Variants in CD72 observed in about 807,000 individuals in gnomAD.
CD72 encodes the protein B-cell differentiation antigen CD72.
Under a neutral mutation model 50.7 loss-of-function variants are expected in CD72, and 28 were observed. The observed-to-expected ratio is 0.55, with a 90% confidence interval of 0.41 to 0.76. The LOEUF is 0.76. Ranked by LOEUF, CD72 falls within the 30% of genes least tolerant of loss-of-function variation. The pLI is 0.00. For missense variants in CD72, 403 were observed against 420.6 expected (o/e 0.96, Z 0.37); for synonymous variants, 176 against 171.2 (o/e 1.03, Z -0.22).
intron 6 of CD72, 111 bp from the exon 7 acceptor site, chr9:35,612,030 C>CA: frequency 1.6e-6 from 1 of 638,062 alleles, no homozygotes; most frequent in Non-Finnish European, 2.8e-6. Flanking sequence ...GTATATATGA[C>CA]AGCTCTTTGG....
At chr9:35,629,805 C>T (rs556813480) in intron 1 of CD72, among the ~76,000 whole-genome samples, 5 of 152,312 alleles carry the variant, frequency 3.3e-5, no homozygotes, top group African/African-American at 1.2e-4. Context: ...GCAAGCCCTG[C>T]TAGTGCACAG....
intron 7 of CD72, among the ~76,000 whole-genome samples, chr9:35,611,490 G>GA (rs1195013658): frequency 2.0e-5 from 3 of 152,228 alleles, no homozygotes; most frequent in African/African-American, 7.2e-5. Context: ...GAAGGATGGA[G>GA]AAACGCTGCT....
chr9:35,612,636 AATC>A (rs944059468), intron 6 of CD72, among the ~76,000 whole-genome samples: 11 of 152,140 alleles, frequency 7.2e-5, no homozygotes, highest in African/African-American at 2.6e-4. Context: ...TGCCAACTCT[AATC>A]AGTTACTAGG....
At chr9:35,625,039 G>A (rs12378766) in intron 1 of CD72, among the ~76,000 whole-genome samples, 5,528 of 152,130 alleles carry the variant, frequency 0.036, 152 homozygotes, top group Non-Finnish European at 0.057. Flanking sequence ...ACCCTACAAT[G>A]GTCTCTAAGT....
At chr9:35,624,014 C>T (rs1587905671), upstream of CD72, among the ~76,000 whole-genome samples, 1 of 151,696 alleles carries the variant, frequency 6.6e-6, no homozygotes, top group East Asian at 1.9e-4. Flanking sequence ...TGGATCACGA[C>T]CAGCCTGACC....
chr9:35,615,885 C>T, intron 5 of CD72, 58 bp downstream of exon 5: 2 of 1,388,738 alleles, frequency 1.4e-6, no homozygotes, highest in Admixed American at 3.5e-5. Context: ...ACTCCTGCCA[C>T]TACTATCTCC....
chr9:35,610,613 A>C lies in CD72; in HGVS notation c.*11T>G, dbSNP rs1822965037. ...TCCCTCACTCTTACCAACTCAGTGC[A>C]AAGGACTGTCCTAATCTGGAAACCT... On this transcript the variant is annotated 3_prime_UTR_variant, in exon 8 of 9. Coordinates refer to ENST00000259633, the MANE Select transcript of CD72 (RefSeq NM_001782.3). 1 of 1,613,008 alleles carries C rather than the reference A, an allele frequency of 6.2e-7. No individual in the cohort carries two copies. Among genetic ancestry groups the C allele is most frequent in the South Asian group, 1.1e-5 (1 of 90,972 alleles).
chr9:35,624,214 AAATAATAATAATAAT>A (rs58480562), upstream of CD72, among the ~76,000 whole-genome samples: 896 of 137,840 alleles, frequency 6.5e-3, 9 homozygotes, highest in South Asian at 0.017. Flanking sequence ...TCTGTCTCAA[AAATAATAATAATAAT>A]AATAATAATA....
intron 7 of CD72, among the ~76,000 whole-genome samples, chr9:35,611,593 A>G (rs1294841372): frequency 6.6e-6 from 1 of 152,200 alleles, no homozygotes; most frequent in Non-Finnish European, 1.5e-5. Flanking sequence ...ACAAAAAAGT[A>G]TGTGCCAGGG....
In CD72 at chr9:35,616,599, C is replaced by T; in HGVS notation, c.352+1G>A. The T allele has an allele frequency of 6.2e-7, 1 of 1,612,214 alleles. No homozygotes were observed. Among genetic ancestry groups the T allele is most frequent in the Non-Finnish European group, 8.5e-7 (1 of 1,178,312 alleles). On this transcript the variant is annotated splice_donor_variant, in intron 4 of 8. Transcript: ENST00000259633. LOFTEE classifies it high-confidence loss of function. ...TGGGAAGTAGGGACAGCCTTACTCA[C>T]AGCGCACTCCCAGGCAGATGGCGGT... is the stretch of plus-strand genomic sequence containing the variant.
intron 1 of CD72, among the ~76,000 whole-genome samples, chr9:35,629,850 A>G (rs555028860): frequency 6.6e-6 from 1 of 152,316 alleles, no homozygotes; most frequent in East Asian, 1.9e-4. Context: ...AAGGAGAGCT[A>G]GATGTTCAGT....
intron 1 of CD72, among the ~76,000 whole-genome samples, chr9:35,625,810 C>T (rs1823190601): frequency 1.3e-5 from 2 of 152,162 alleles, no homozygotes; most frequent in Admixed American, 6.5e-5. Context: ...GTGCTCTATA[C>T]ATGGAAGAAC....
At chr9:35,644,883 CAT>C (rs1823373120) in intron 1 of CD72, among the ~76,000 whole-genome samples, 1 of 135,416 alleles carries the variant, frequency 7.4e-6, no homozygotes, top group African/African-American at 2.8e-5. Context: ...AGATAGAAAA[CAT>C]AACTTTGACT....
In CD72 at chr9:35,612,003, G is replaced by A. The variant is rs554497037; in HGVS notation, c.835-84C>T. 1.2e-5 allele frequency: 9 copies of A among 764,660 alleles called. No individual in the cohort carries two copies. In the African/African-American group the frequency reaches 1.2e-4, roughly 10 times the overall value. 47.4% of individuals were successfully genotyped at this position (764,660 alleles called of 1,614,324 possible). A position where few individuals can be genotyped will look rare whatever the true frequency, so the allele number is the denominator to read the frequency against. ...AAATGCACACCCTAGGGAGGCCTCA[G>A]CTTTGGCAAGGGGGCTGTATATATG... On this transcript the variant is annotated intron_variant, in intron 6 of 8. Coordinates refer to ENST00000259633, the MANE Select transcript of CD72 (RefSeq NM_001782.3).
rs537924381 is a variant in CD72 at position 35,634,612 on chromosome 9, G to A, written n.408+11791C>T. 4.9e-4 allele frequency among the ~76,000 whole-genome samples: 75 copies of A among 152,172 alleles called. 1 individual carries two copies. The highest frequency in any genetic ancestry group is 1.7e-3 in the African/African-American group (70 of 41,532). On this transcript the variant is annotated intron_variant and non_coding_transcript_variant, in intron 1 of 3. Coordinates refer to the CD72 transcript ENST00000465754. ...AGGTGATCCGCCCACCTCGGCCTCC[G>A]AAAGTGCTGGGATTACAGGCGTGAG... is the stretch of plus-strand genomic sequence containing the variant.
intron 1 of CD72, chr9:35,646,169 A>G: frequency 6.6e-6 from 1 of 152,210 alleles, no homozygotes; most frequent in Non-Finnish European, 1.5e-5. Flanking sequence ...TCAAAAAAAA[A>G]GAAAAAAAAA....
In CD72 at chr9:35,617,537, C is replaced by G. The variant is rs572906987; in HGVS notation, c.191-290G>C. ...ATCTGTCGGCTCCAAACCCTCTCCC[C>G]CTTTGCTCTCATCCATCTCCCATCA... On this transcript the variant is annotated intron_variant, in intron 2 of 8. Coordinates refer to ENST00000259633, the MANE Select transcript of CD72 (RefSeq NM_001782.3). Among the ~76,000 whole-genome samples the G allele has an allele frequency of 4.6e-5, 7 of 152,230 alleles. No individual in the cohort carries two copies. In the East Asian group the frequency reaches 1.2e-3, roughly 25 times the overall value.
intron 1 of CD72, among the ~76,000 whole-genome samples, chr9:35,627,878 C>T (rs1374945063): frequency 2.0e-5 from 3 of 151,980 alleles, no homozygotes. Context: ...CTCTGTCACC[C>T]AGGCTGGAGT....
intron 6 of CD72, among the ~76,000 whole-genome samples, 167 bp from the exon 7 acceptor site, chr9:35,612,086 T>A (rs1440114203): frequency 6.6e-6 from 1 of 152,238 alleles, no homozygotes; most frequent in Admixed American, 6.5e-5. Flanking sequence ...AGATGCAGGC[T>A]CACTGCTAAA....
Sources: allele counts gnomAD v4.1 joint callset (sites outside exome capture counted in the v4.1 genomes callset), GRCh38; gene constraint gnomAD v4.1.1; transcripts MANE v1.5; gene names NCBI Gene and HGNC (gene_info 2026-07-23, HGNC 2026-07-21).